COQ4: variants seen among roughly 807,000 people sequenced by gnomAD.
COQ4 encodes coenzyme Q4.
A neutral mutation model predicts 30.2 loss-of-function variants in COQ4; 36 were observed. The ratio of observed to expected loss-of-function variants is 1.19; its 90% CI spans 0.91 to 1.57. The LOEUF (loss-of-function observed/expected upper bound fraction) is 1.57, where lower values mean the gene tolerates loss of function less well. Among genes scored for constraint, COQ4 ranks in the 40% most tolerant of loss-of-function variants. The pLI is 0.00. For synonymous variants in COQ4, 197 were observed against 161.0 expected, an observed-to-expected ratio of 1.22 and a Z score of -1.69; for missense variants, 369 against 371.9, an observed-to-expected ratio of 0.99 and a Z score of 0.07.
In COQ4 at chr9:128,333,570, G is replaced by C; in HGVS notation, c.723G>C (p.Trp241Cys). ...TCAACCTGTACTATGAGCGGCGCTG[G>C]GAGCAGTCCCTGAGGGCTCTGCGGG... The part of the protein sequence containing the change: ...CVLNLYYERR[W>C]EQSLRALREE... Residue 241 changes from tryptophan to cysteine, a missense_variant, in exon 7 of 7, where the codon TGG (tryptophan) becomes TGC (cysteine). Coordinates refer to ENST00000300452, the MANE Select transcript of COQ4 (RefSeq NM_016035.5). 6.2e-7 allele frequency: 1 copy of C among 1,610,362 alleles called. No individual in the cohort carries two copies. The highest frequency in any genetic ancestry group is 8.5e-7 in the Non-Finnish European group (1 of 1,178,544).
At chr9:128,326,261 A>G (rs982598182) in intron 4 of COQ4, 9 of 387,692 alleles carry the variant, frequency 2.3e-5, no homozygotes, top group African/African-American at 8.4e-5. Flanking sequence ...GGAGATAGTA[A>G]TCAATCCCAG....
chr9:128,325,734 C>A, intron 3 of COQ4, 45 bp from the exon 4 acceptor site: 1 of 1,499,536 alleles, frequency 6.7e-7, no homozygotes, highest in Non-Finnish European at 9.3e-7. Flanking sequence ...GATCGTTCAC[C>A]TACCTTTGCC....
rs768392340 is a variant in COQ4, at chr9:128,333,697, G to A, written c.*52G>A. 7.0e-6 allele frequency: 10 copies of A among 1,419,758 alleles called. No individual in the cohort carries two copies. Among genetic ancestry groups the A allele is most frequent in the Non-Finnish European group, 8.4e-6 (9 of 1,074,874 alleles). The allele number at this position is 1,419,758 out of a possible 1,614,324, so 87.9% of individuals were successfully genotyped here. ...ACCTCCCCCATCCCCTGCTTCCCTT[G>A]GAGGCAGAGGGCTCCCTTGACTACC... On this transcript the variant is annotated 3_prime_UTR_variant, in exon 7 of 7. Coordinates refer to ENST00000300452, the MANE Select transcript of COQ4 (RefSeq NM_016035.5).
rs2131234734 is a variant in COQ4 at position 128,332,222 on chromosome 9, C to T, written c.472C>T (p.Arg158Trp). 10 of 1,612,412 alleles carry T rather than the reference C, an allele frequency of 6.2e-6. No homozygotes were observed. The highest frequency in any genetic ancestry group is 2.2e-5 in the East Asian group (1 of 44,842). ...TGAGGAGCTAGCGTATGTGATTCAG[C>T]GGTACCGGGAGGTGCACGACATGCT... ...DDEELAYVIQRYREVHDMLHT... is the reference protein window; with the variant it reads ...DDEELAYVIQWYREVHDMLHT... Residue 158 changes from arginine to tryptophan, a missense_variant, in exon 5 of 7, where the codon CGG becomes TGG. Physicochemically the swap from Arg to Trp is moderately radical, Grantham distance 101. Transcript: ENST00000300452.
rs1832230925 is a variant in COQ4, at chr9:128,322,915, G to A, written c.57G>A (p.Gln19=). 6.3e-7 allele frequency: 1 copy of A among 1,599,288 alleles called. No individual in the cohort carries two copies. The highest frequency in any genetic ancestry group is 8.5e-7 in the Non-Finnish European group (1 of 1,177,152). Residue 19 remains glutamine (Q), a synonymous_variant, in exon 1 of 7, where the codon CAG becomes CAA. Transcript: ENST00000300452. ...LRRLCGLPGL[Q]RPAAEMPLRA... ...GGCTCTGCGGGCTCCCGGGCCTACA[G>A]CGGCCTGCGGCAGGCAAGTGGCGCC...
At chr9:128,330,385 T>C (rs966186563) in intron 4 of COQ4, 1 of 151,610 alleles carries the variant, frequency 6.6e-6, no homozygotes, top group Non-Finnish European at 1.5e-5. Flanking sequence ...AAAATAAAAA[T>C]AAAAATAAAT....
intron 4 of COQ4, among the ~76,000 whole-genome samples, chr9:128,326,871 C>T (rs1361070628): frequency 1.3e-5 from 2 of 152,138 alleles, no homozygotes; most frequent in Non-Finnish European, 2.9e-5. Flanking sequence ...GCCTCAACCC[C>T]CCACGTAGCT....
At chr9:128,332,408 A>T in intron 5 of COQ4, 126 bp downstream of exon 5, 1 of 1,002,340 alleles carries the variant, frequency 1.0e-6, no homozygotes, top group Non-Finnish European at 1.5e-6. Context: ...TTACCTGAAC[A>T]TCTTAGTAGC....
intron 4 of COQ4, among the ~76,000 whole-genome samples, chr9:128,327,890 C>A (rs539673589): frequency 6.6e-6 from 1 of 152,252 alleles, no homozygotes; most frequent in African/African-American, 2.4e-5. Flanking sequence ...GTGGAACTTA[C>A]ATTCTAGCAG....
Position 128,325,133 on chromosome 9 carries a change from G to T in COQ4, c.203-10G>T, listed in dbSNP as rs1832294991. ...ACATCCCCCATTTGTGCCCGTTTCTGTCCTTTCAGACATGGTCGCAGTTCT... is the reference window on the plus strand; with the variant it reads ...ACATCCCCCATTTGTGCCCGTTTCTTTCCTTTCAGACATGGTCGCAGTTCT... On this transcript the variant is annotated splice_polypyrimidine_tract_variant and intron_variant, in intron 2 of 6. Transcript: ENST00000300452. 6.2e-7 allele frequency: 1 copy of T among 1,608,624 alleles called. No homozygotes were observed. The highest frequency in any genetic ancestry group is 1.3e-5 in the African/African-American group (1 of 74,774).
At chr9:128,331,994 G>T (rs1241767499) in intron 4 of COQ4, 159 bp from the exon 5 acceptor site, 7 of 754,482 alleles carry the variant, frequency 9.3e-6, no homozygotes, top group Non-Finnish European at 1.5e-5. Context: ...CTCCCAAAGT[G>T]CTGGGATTTA....
In COQ4 at chr9:128,323,089, G is replaced by T. The variant is rs765791496; in HGVS notation, c.144G>T (p.Gln48His). ...YSHHLPTSPL[Q>H]KGLLAAGSAA... ...ACCACCTCCCCACCTCCCCGCTGCAGAAAGGGCTGTTGGCCGCCGGCTCCG... is the reference window on the plus strand; with the variant it reads ...ACCACCTCCCCACCTCCCCGCTGCATAAAGGGCTGTTGGCCGCCGGCTCCG... Residue 48 changes from glutamine to histidine, a missense_variant, in exon 2 of 7, where the codon CAG becomes CAT. Gln to His is a conservative substitution (Grantham distance 24). Transcript: ENST00000300452. 4.0e-5 allele frequency: 65 copies of T among 1,612,102 alleles called. No homozygotes were observed. The highest frequency in any genetic ancestry group is 5.3e-5 in the Non-Finnish European group (62 of 1,179,766).
At chr9:128,327,479 A>G (rs960608290) in intron 4 of COQ4, among the ~76,000 whole-genome samples, 1 of 152,072 alleles carries the variant, frequency 6.6e-6, no homozygotes, top group African/African-American at 2.4e-5. Context: ...ATAAAAATAC[A>G]GGTAAAATGT....
chr9:128,325,164 A>G lies in COQ4; in HGVS notation c.224A>G (p.Glu75Gly). ...YRHDMVAVLG[E>G]TTGHRTLKVL... Reference sequence around the variant, plus strand: ...TCAGACATGGTCGCAGTTCTAGGGGAGACCACAGGACACCGCACCCTGAAG... The same window carrying G: ...TCAGACATGGTCGCAGTTCTAGGGGGGACCACAGGACACCGCACCCTGAAG... The change falls in exon 3 of 7, where the codon GAG becomes GGG. Residue 75 changes from glutamate (E) to glycine (G), a missense_variant. Coordinates refer to ENST00000300452, the MANE Select transcript of COQ4 (RefSeq NM_016035.5). 6.2e-7 allele frequency: 1 copy of G among 1,613,906 alleles called. No individual in the cohort carries two copies. The highest frequency in any genetic ancestry group is 2.2e-5 in the East Asian group (1 of 44,884).
At position 128,323,347 on chromosome 9, in the gene COQ4, C is replaced by T. The variant is rs867019748; in HGVS notation, c.202+200C>T. ...AATCTGCAGTGGAGGGAGAAATGGG[C>T]GTGAAACCGAAAGTCTGTCTTTAAA... On this transcript the variant is annotated intron_variant, in intron 2 of 6. Transcript: ENST00000300452. 4.6e-5 allele frequency: 27 copies of T among 588,154 alleles called. No individual in the cohort carries two copies. In the South Asian group the frequency reaches 5.8e-4, roughly 13 times the overall value. The allele number at this position is 588,154 out of a possible 1,614,324, so 36.4% of individuals were successfully genotyped here.
At chr9:128,333,212 T>C (rs1832444037) in intron 6 of COQ4, among the ~76,000 whole-genome samples, 1 of 152,094 alleles carries the variant, frequency 6.6e-6, no homozygotes, top group South Asian at 2.1e-4. Context: ...ATGATGAGCG[T>C]CAGTGGGAAG....
rs1832315896 is a variant in COQ4 at position 128,326,097 on chromosome 9, A to G, written c.402+216A>G. On this transcript the variant is annotated intron_variant, in intron 4 of 6. Coordinates refer to ENST00000300452, the MANE Select transcript of COQ4 (RefSeq NM_016035.5). ...ACTGGCCAGTGTTCATTAACCTCGC[A>G]CTGCATGCCTGATGCCAGCCTCATC... The G allele has an allele frequency of 1.0e-5, 6 of 590,152 alleles. No homozygotes were observed. In the Admixed American group the frequency reaches 1.2e-4, roughly 12 times the overall value. 36.6% of individuals were successfully genotyped at this position (590,152 alleles called of 1,614,324 possible).
intron 5 of COQ4, 151 bp from the exon 6 acceptor site, chr9:128,332,699 A>G: frequency 1.5e-6 from 1 of 687,892 alleles, no homozygotes; most frequent in Non-Finnish European, 2.6e-6. Flanking sequence ...CTCCAAGCCA[A>G]GTGCCCCAGG....
rs145544505 is a variant in COQ4 at position 128,333,480 on chromosome 9, G to T, written c.633G>T (p.Leu211=). The T allele has an allele frequency of 1.0e-5, 16 of 1,531,836 alleles. No homozygotes were observed. In the African/African-American group the frequency reaches 2.2e-4, roughly 21 times the overall value. 94.9% of individuals were successfully genotyped at this position (1,531,836 alleles called of 1,614,324 possible). A position where few individuals can be genotyped will look rare whatever the true frequency, so the allele number is the denominator to read the frequency against. The stretch of plus-strand genomic sequence containing the variant: ...TTCCTCTGCTGCCCCACAGGAGCCT[G>T]CAAGTGCTGGTCTCGGAGTTGATCC... ...FGPIRLGAQS[L]QVLVSELIPW... Residue 211 remains leucine (L), a synonymous_variant, in exon 7 of 7, where the codon CTG becomes CTT. Coordinates refer to ENST00000300452, the MANE Select transcript of COQ4 (RefSeq NM_016035.5).
Sources: gnomAD v4.1 joint callset for allele counts (sites outside exome capture counted in the v4.1 genomes callset) on GRCh38, gnomAD v4.1.1 for gene constraint, MANE v1.5 for transcripts, NCBI Gene and HGNC (gene_info 2026-07-23, HGNC 2026-07-21) for gene names.